The following MZF1 variants were observed in gnomAD, a reference collection of about 807,000 sequenced individuals.
MZF1 encodes the protein myeloid zinc finger 1, also known as zinc finger and SCAN domain-containing protein 6.
A neutral mutation model predicts 28.6 loss-of-function variants in MZF1; 24 were observed. The ratio of observed to expected loss-of-function variants is 0.84; its 90% CI spans 0.61 to 1.18. The LOEUF is 1.18. Ranked by LOEUF, MZF1 falls within the 50% of genes most tolerant of loss-of-function variation. MZF1 has a pLI of 0.00. For missense variants in MZF1, 1,166 were observed against 1,026.4 expected, an observed-to-expected ratio of 1.14 and a Z score of -1.86; for synonymous variants, 516 against 432.5, an observed-to-expected ratio of 1.19 and a Z score of -2.40.
chr19:58,564,969 G>C (rs1456467804), intron 5 of MZF1, among the ~76,000 whole-genome samples: 1 of 131,864 alleles, frequency 7.6e-6, no homozygotes, highest in African/African-American at 2.8e-5. Context: ...CGCCCAGGCT[G>C]GAGTGCAGTG....
intron 5 of MZF1, 95 bp downstream of exon 5, chr19:58,569,182 T>G (rs1600106388): frequency 1.4e-6 from 2 of 1,430,988 alleles, no homozygotes; most frequent in East Asian, 4.8e-5. Context: ...GATGCTGGAG[T>G]AAGAGGGCTG....
chr19:58,563,017 G>GC lies in MZF1; in HGVS notation c.1259dup (p.Phe421LeufsTer24). ...CTTCCAGGCGCGCGCTGCGCACGAA[G>GC]CCCTGGCCACAGTCGCCGCACACGA... On this transcript the variant is annotated frameshift_variant, in exon 6 of 6. Transcript: ENST00000215057. LOFTEE classifies it low-confidence loss of function (END_TRUNC). 1 of 1,602,096 alleles carries GC rather than the reference G, an allele frequency of 6.2e-7. No homozygotes were observed. Among genetic ancestry groups the GC allele is most frequent in the Non-Finnish European group, 8.5e-7 (1 of 1,179,704 alleles).
At chr19:58,570,214 G>C in intron 3 of MZF1, 130 bp downstream of exon 3, 1 of 997,138 alleles carries the variant, frequency 1.0e-6, no homozygotes, top group Non-Finnish European at 1.5e-6. Flanking sequence ...AGAATGTGGG[G>C]GCTGCTGGCA....
chr19:58,563,497 C>G lies in MZF1; in HGVS notation c.780G>C (p.Ala260=), dbSNP rs758472670. 2 of 1,542,072 alleles carry G rather than the reference C, an allele frequency of 1.3e-6. No homozygotes were observed. Among genetic ancestry groups the G allele is most frequent in the Non-Finnish European group, 1.8e-6 (2 of 1,140,408 alleles). The stretch of plus-strand genomic sequence containing the variant: ...CTGCGGAGATGCTGCCTAGCTGCAG[C>G]GCGAACCCTGCATACACAAGGGGAC... ...EAGGIFSPGF[A]LQLGSISAGP... Residue 260 remains alanine, a synonymous_variant, in exon 6 of 6, where the codon GCG becomes GCC. Transcript: ENST00000215057.
rs1229353588 is a variant in MZF1, at chr19:58,562,970, C to T, written c.1307G>A (p.Gly436Asp). Reference sequence around the variant, plus strand: ...CTCAGCGCAACGGAAAGGCTGTTCGCCCGTGTGCACTCTCCGATGCTCTTC... The same window carrying T: ...CTCAGCGCAACGGAAAGGCTGTTCGTCCGTGTGCACTCTCCGATGCTCTTC... ...RLEEHRRVHT[G>D]EQPFRCAECG... The change falls in exon 6 of 6, where the codon GGC becomes GAC. Residue 436 changes from glycine (G) to aspartate (D), a missense_variant. By Grantham distance (94) the Gly-to-Asp change is moderately conservative. Transcript: ENST00000215057. The T allele has an allele frequency of 6.2e-7, 1 of 1,601,606 alleles. No homozygotes were observed. Among genetic ancestry groups the T allele is most frequent in the South Asian group, 1.1e-5 (1 of 91,018 alleles).
chr19:58,564,460 GC>G (rs1314201852), intron 5 of MZF1: 1 of 152,156 alleles, frequency 6.6e-6, no homozygotes, highest in Non-Finnish European at 1.5e-5. Context: ...AGACACATGG[GC>G]AAAGGATGTG....
intron 2 of MZF1, 74 bp downstream of exon 2, chr19:58,570,919 GC>G: frequency 6.8e-7 from 1 of 1,465,252 alleles, no homozygotes; most frequent in Non-Finnish European, 9.2e-7. Context: ...GTCTGGCAAA[GC>G]GTGGTGCTGC....
intron 3 of MZF1, 67 bp from the exon 4 acceptor site, chr19:58,569,653 T>TTA: frequency 5.2e-6 from 7 of 1,355,394 alleles, no homozygotes; most frequent in Non-Finnish European, 7.1e-6. Flanking sequence ...CTTAGTGGTG[T>TTA]GCCAGGTGCT....
At chr19:58,572,608 G>A in intron 1 of MZF1, 4 of 1,289,756 alleles carry the variant, frequency 3.1e-6, no homozygotes, top group Non-Finnish European at 3.0e-6. Flanking sequence ...CTGCGTTTAT[G>A]AAGGGGATGG....
rs1414292818 is a variant in MZF1, at chr19:58,564,898, GTGT to G, written c.773-1397_773-1395del. ...CAGGGTGGAGAATAAGCATCCATGT[GTGT>G]GTTTTTTTTTTTTTTTTTTTTTTTT... On this transcript the variant is annotated intron_variant, in intron 5 of 5. Transcript: ENST00000215057. Among the ~76,000 whole-genome samples the G allele has an allele frequency of 3.3e-5, 3 of 91,900 alleles. 1 individual carries two copies. Among genetic ancestry groups the G allele is most frequent in the African/African-American group, 1.6e-4 (3 of 18,900 alleles). The allele number at this position is 91,900 out of a possible 152,430, so 60.3% of individuals were successfully genotyped here.
intron 1 of MZF1, chr19:58,572,565 G>A (rs1263132379): frequency 1.6e-5 from 20 of 1,289,536 alleles, no homozygotes; most frequent in Non-Finnish European, 1.7e-5. Flanking sequence ...TCCTCGCGCT[G>A]TTCCTTCTGC....
intron 5 of MZF1, among the ~76,000 whole-genome samples, chr19:58,565,845 AAGGAGAGGAATGGGGCTGGGCACGGTGGC>A: frequency 7.0e-6 from 1 of 142,580 alleles, no homozygotes; most frequent in African/African-American, 2.6e-5. Context: ...GTGTGTTTTA[AAGGAGAGGAATGGGGCTGGGCACGGTGGC>A]TCACGCCTGT....
chr19:58,565,850 G>A (rs1359721813), intron 5 of MZF1, among the ~76,000 whole-genome samples: 1 of 148,386 alleles, frequency 6.7e-6, no homozygotes, highest in African/African-American at 2.5e-5. Context: ...TTTTAAAGGA[G>A]AGGAATGGGG....
Position 58,571,074 on chromosome 19 carries a change from C to T in MZF1, c.316G>A (p.Gly106Arg), listed in dbSNP as rs748933298. Residue 106 changes from glycine (G) to arginine (R), a missense_variant, in exon 2 of 6, where the codon GGG becomes AGG. Physicochemically the swap from Gly to Arg is moderately radical, Grantham distance 125. Coordinates refer to ENST00000215057, the MANE Select transcript of MZF1 (RefSeq NM_198055.2). The part of the protein sequence containing the change: ...LPPEIQARVQ[G>R]QRPGSPEEAA... ...TCCTCGGGGCTGCCTGGCCGCTGCC[C>T]CTGCACACGGGCCTGGATCTCAGGG... 6.2e-7 allele frequency: 1 copy of T among 1,613,536 alleles called. No individual in the cohort carries two copies. Among genetic ancestry groups the T allele is most frequent in the African/African-American group, 1.3e-5 (1 of 74,942 alleles).
intron 5 of MZF1, among the ~76,000 whole-genome samples, chr19:58,567,076 G>T (rs1196743399): frequency 1.3e-5 from 2 of 152,156 alleles, no homozygotes; most frequent in East Asian, 1.9e-4. Context: ...CTAGTTTTTT[G>T]TATTATTTTT....
At chr19:58,568,440 A>G (rs1333871539) in intron 5 of MZF1, 1 of 152,202 alleles carries the variant, frequency 6.6e-6, no homozygotes, top group Non-Finnish European at 1.5e-5. Context: ...GAGCAGAGCA[A>G]TAGAAGGGAA....
At chr19:58,569,752 G>A in intron 3 of MZF1, 166 bp from the exon 4 acceptor site, 1 of 600,720 alleles carries the variant, frequency 1.7e-6, no homozygotes, top group Non-Finnish European at 2.9e-6. Context: ...GGGGCTGGGT[G>A]AAGCAGAGTA....
rs374145510 is a variant in MZF1, at chr19:58,563,285, A to T, written c.992T>A (p.Ile331Asn). 54 of 1,607,638 alleles carry T rather than the reference A, an allele frequency of 3.4e-5. No individual in the cohort carries two copies. Among genetic ancestry groups the T allele is most frequent in the Middle Eastern group, 1.6e-4 (1 of 6,062 alleles). The change falls in exon 6 of 6, where the codon ATC becomes AAC. Residue 331 changes from isoleucine (I) to asparagine (N), a missense_variant. Ile to Asn is a moderately radical substitution (Grantham distance 149, BLOSUM62 -3). Coordinates refer to ENST00000215057, the MANE Select transcript of MZF1 (RefSeq NM_198055.2). ...CCTGGGGGAGCGCCAGCGGGTGGTG[A>T]TCAGAGCAGGGCCCACACCCCGGCA... ...DPCRGVGPAL[I>N]TTRWRSPRGR...
At chr19:58,572,821 A>G (rs2054190880) in intron 1 of MZF1, 1 of 351,520 alleles carries the variant, frequency 2.8e-6, no homozygotes, top group Non-Finnish European at 5.6e-6. Context: ...CCAGGGTGCC[A>G]AGGTAGGTCC....
Sources: allele counts gnomAD v4.1 joint callset (sites outside exome capture counted in the v4.1 genomes callset), GRCh38; gene constraint gnomAD v4.1.1; transcripts MANE v1.5; gene names NCBI Gene and HGNC (gene_info 2026-07-23, HGNC 2026-07-21).